Variants in SH3GL2 observed in about 807,000 individuals in gnomAD.
SH3GL2 encodes endophilin-A1.
Under a neutral mutation model 46.0 loss-of-function variants are expected in SH3GL2, and 24 were observed. The ratio of observed to expected loss-of-function variants is 0.52; its 90% CI spans 0.38 to 0.73. SH3GL2 has a LOEUF of 0.73. Among genes scored for constraint, SH3GL2 ranks in the 30% least tolerant of loss-of-function variants. The pLI, the probability that SH3GL2 is intolerant of heterozygous loss-of-function variation, is 0.00. For missense variants in SH3GL2, 413 were observed against 424.2 expected, an observed-to-expected ratio of 0.97 and a Z score of 0.23; for synonymous variants, 196 against 147.1, an observed-to-expected ratio of 1.33 and a Z score of -2.40.
intron 1 of SH3GL2, among the ~76,000 whole-genome samples, chr9:17,713,248 T>A (rs955145289): frequency 6.6e-6 from 1 of 151,632 alleles, no homozygotes; most frequent in Non-Finnish European, 1.5e-5. Flanking sequence ...GAATCTGTAG[T>A]GATATCCTCT....
chr9:17,761,397 A>G (rs1471951883), intron 2 of SH3GL2, 40 bp from the exon 3 acceptor site: 1 of 1,296,132 alleles, frequency 7.7e-7, no homozygotes, highest in South Asian at 1.2e-5. Context: ...TCTAAAGCTC[A>G]TCATTTTTGT....
In SH3GL2 at chr9:17,708,321, T is replaced by G. The variant is rs185989714; in HGVS notation, c.46-38745T>G. On this transcript the variant is annotated intron_variant, in intron 1 of 8. Coordinates refer to ENST00000380607, the MANE Select transcript of SH3GL2 (RefSeq NM_003026.5). ...TAGTGAGACTGAATTTTGTTTCTGCTTAAATGATTATCACGCTTTATATAT... is the reference window on the plus strand; with the variant it reads ...TAGTGAGACTGAATTTTGTTTCTGCGTAAATGATTATCACGCTTTATATAT... 2.0e-5 allele frequency among the ~76,000 whole-genome samples: 3 copies of G among 152,174 alleles called. No individual in the cohort carries two copies. The East Asian group carries it at 5.8e-4, about 30-fold the overall frequency.
rs1821388186 is a variant in SH3GL2, at chr9:17,703,499, A to G, written c.46-43567A>G. ...AAACCTGGCAGAGTCACAATGAAAA[A>G]AGAAAAACATCAGTCCAGTATCCTT... On this transcript the variant is annotated intron_variant, in intron 1 of 8. Coordinates refer to ENST00000380607, the MANE Select transcript of SH3GL2 (RefSeq NM_003026.5). Among the ~76,000 whole-genome samples the G allele has an allele frequency of 2.0e-5, 3 of 152,006 alleles. 1 individual carries two copies. Among genetic ancestry groups the G allele is most frequent in the Admixed American group, 2.0e-4 (3 of 15,234 alleles).
At chr9:17,626,187 C>T (rs1044114646) in intron 1 of SH3GL2, among the ~76,000 whole-genome samples, 10 of 152,176 alleles carry the variant, frequency 6.6e-5, no homozygotes, top group South Asian at 2.1e-4. Context: ...GGGTCTGGGA[C>T]GGGTCTGACC....
intron 3 of SH3GL2, among the ~76,000 whole-genome samples, chr9:17,780,072 G>C (rs1823759625): frequency 6.6e-6 from 1 of 152,088 alleles, no homozygotes; most frequent in Admixed American, 6.6e-5. Context: ...ATGTTTAGGA[G>C]TGAAATTTCT....
intron 1 of SH3GL2, among the ~76,000 whole-genome samples, chr9:17,674,307 C>T (rs1450127764): frequency 1.3e-5 from 2 of 152,110 alleles, no homozygotes; most frequent in Admixed American, 1.3e-4. Context: ...CTCTCTGTTG[C>T]CCAGGCTGGA....
chr9:17,579,325 G>A (rs925286634), intron 1 of SH3GL2, 38 bp downstream of exon 1: 5 of 1,471,102 alleles, frequency 3.4e-6, no homozygotes, highest in Admixed American at 4.1e-5. Context: ...GGCAGTCCGG[G>A]GCGAAGCTGC....
intron 3 of SH3GL2, among the ~76,000 whole-genome samples, chr9:17,785,214 G>A (rs1460182501): frequency 6.6e-6 from 1 of 152,140 alleles, no homozygotes; most frequent in Non-Finnish European, 1.5e-5. Context: ...GATGAGGACA[G>A]TGCCGCATAT....
At chr9:17,597,071 G>A (rs865802922) in intron 1 of SH3GL2, among the ~76,000 whole-genome samples, 2 of 152,326 alleles carry the variant, frequency 1.3e-5, no homozygotes, top group Middle Eastern at 3.4e-3. Flanking sequence ...TGTTTCTGGG[G>A]ATAATATTAA....
chr9:17,651,263 A>G (rs140375597), intron 1 of SH3GL2, among the ~76,000 whole-genome samples: 1 of 152,254 alleles, frequency 6.6e-6, no homozygotes, highest in East Asian at 1.9e-4. Context: ...GATGGGATGT[A>G]ATAGGAAATC....
At chr9:17,738,512 A>G (rs1413865960) in intron 1 of SH3GL2, among the ~76,000 whole-genome samples, 2 of 136,010 alleles carry the variant, frequency 1.5e-5, no homozygotes, top group African/African-American at 5.1e-5. Flanking sequence ...ACATATATAC[A>G]TATGTGTGTG....
intron 1 of SH3GL2, among the ~76,000 whole-genome samples, chr9:17,674,387 C>T (rs1247289439): frequency 6.6e-6 from 1 of 152,118 alleles, no homozygotes; most frequent in Admixed American, 6.5e-5. Context: ...TTGCCTGAAC[C>T]TCCTTAGTAG....
At chr9:17,647,870 A>C (rs1287449407) in intron 1 of SH3GL2, among the ~76,000 whole-genome samples, 1 of 152,048 alleles carries the variant, frequency 6.6e-6, no homozygotes, top group African/African-American at 2.4e-5. Flanking sequence ...TTATATGCAG[A>C]TTTTCTTCCA....
intron 2 of SH3GL2, among the ~76,000 whole-genome samples, chr9:17,749,543 A>G (rs968388089): frequency 4.6e-5 from 7 of 152,218 alleles, no homozygotes; most frequent in Non-Finnish European, 7.3e-5. Flanking sequence ...ATTTGGAACT[A>G]AGTACCAGGA....
At chr9:17,661,956 T>A (rs939647436) in intron 1 of SH3GL2, among the ~76,000 whole-genome samples, 1 of 152,174 alleles carries the variant, frequency 6.6e-6, no homozygotes, top group African/African-American at 2.4e-5. Flanking sequence ...TGTCTTTTGG[T>A]TAATTTCTCT....
chr9:17,706,799 T>G (rs550686835), intron 1 of SH3GL2, among the ~76,000 whole-genome samples: 7 of 152,060 alleles, frequency 4.6e-5, no homozygotes, highest in African/African-American at 1.7e-4. Context: ...CTTATACCAT[T>G]AAAATGAATA....
At chr9:17,699,540 C>T (rs1471029912) in intron 1 of SH3GL2, among the ~76,000 whole-genome samples, 1 of 152,184 alleles carries the variant, frequency 6.6e-6, no homozygotes, top group Non-Finnish European at 1.5e-5. Context: ...CAGAGAAGAG[C>T]CTTACCATCC....
At chr9:17,672,359 A>G (rs1393914175) in intron 1 of SH3GL2, among the ~76,000 whole-genome samples, 1 of 152,180 alleles carries the variant, frequency 6.6e-6, no homozygotes. Context: ...TTGATGGAGC[A>G]GAGACTAAAA....
rs1256114522 is a variant in SH3GL2 at position 17,638,020 on chromosome 9, G to A, written c.45+58733G>A. ...AAATACAGAAAAATTAGCCGGGCAT[G>A]GTGGCAGGCGCCTGTAGTCCCAGCT... On this transcript the variant is annotated intron_variant, in intron 1 of 8. Coordinates refer to ENST00000380607, the MANE Select transcript of SH3GL2 (RefSeq NM_003026.5). Among the ~76,000 whole-genome samples the A allele has an allele frequency of 3.3e-5, 5 of 152,102 alleles. No individual in the cohort carries two copies. In the South Asian group the frequency reaches 8.3e-4, roughly 25 times the overall value.
Sources: allele counts gnomAD v4.1 joint callset (sites outside exome capture counted in the v4.1 genomes callset), GRCh38; gene constraint gnomAD v4.1.1; transcripts MANE v1.5; gene names NCBI Gene and HGNC (gene_info 2026-07-23, HGNC 2026-07-21).